The following GRK1 variants were observed in gnomAD, a reference collection of about 807,000 sequenced individuals.
The protein encoded by GRK1 is G protein-coupled receptor kinase 1, also known as rhodopsin kinase GRK1.
Under a neutral mutation model 41.7 loss-of-function variants are expected in GRK1, and 28 were observed. The ratio of observed to expected loss-of-function variants is 0.67; its 90% CI spans 0.50 to 0.92. The LOEUF (loss-of-function observed/expected upper bound fraction) is 0.92, where lower values mean the gene tolerates loss of function less well. Ranked by LOEUF, GRK1 falls within the 40% of genes least tolerant of loss-of-function variation. The pLI is 0.00. For synonymous variants in GRK1, 327 were observed against 286.7 expected (o/e 1.14, Z -1.42); for missense variants, 703 against 671.2 (o/e 1.05, Z -0.52).
chr13:113,670,376 G>T (rs569900343), intron 2 of GRK1, among the ~76,000 whole-genome samples: 53 of 152,334 alleles, frequency 3.5e-4, no homozygotes, highest in African/African-American at 1.1e-3. Context: ...TAGCCACTGC[G>T]TGCTTCTGTT....
intron 6 of GRK1, among the ~76,000 whole-genome samples, chr13:113,734,068 G>T (rs2049983755): frequency 6.6e-6 from 1 of 152,178 alleles, no homozygotes; most frequent in South Asian, 2.1e-4. Context: ...GTGCATGTGT[G>T]TGCGTGTATG....
chr13:113,665,152 C>T (rs568175688), upstream of GRK1, among the ~76,000 whole-genome samples: 7 of 152,312 alleles, frequency 4.6e-5, no homozygotes, highest in South Asian at 6.2e-4. Flanking sequence ...CTCTATGCTC[C>T]GGCATTCTTC....
chr13:113,737,400 G>A lies in GRK1; in HGVS notation c.*2037G>A, dbSNP rs1473740426. On this transcript the variant is annotated 3_prime_UTR_variant, in exon 7 of 7. Transcript: ENST00000335678. Reference sequence around the variant, plus strand: ...ATCCCACGTCGGCCACACCCTGGGTGAGGAGCACGTCTTCCCATAGATCCC... The same window carrying A: ...ATCCCACGTCGGCCACACCCTGGGTAAGGAGCACGTCTTCCCATAGATCCC... 7.6e-6 allele frequency: 1 copy of A among 131,900 alleles called. No homozygotes were observed. 8.2% of individuals were successfully genotyped at this position (131,900 alleles called of 1,614,324 possible).
Position 113,671,369 on chromosome 13 carries a change from A to AG in GRK1, c.828-124dup, listed in dbSNP as rs2049855561. 2 of 684,264 alleles carry AG rather than the reference A, an allele frequency of 2.9e-6. No individual in the cohort carries two copies. Among genetic ancestry groups the AG allele is most frequent in the Non-Finnish European group, 2.7e-6 (1 of 372,194 alleles). The allele number at this position is 684,264 out of a possible 1,614,324, so 42.4% of individuals were successfully genotyped here. A position where few individuals can be genotyped will look rare whatever the true frequency, so the allele number is the denominator to read the frequency against. On this transcript the variant is annotated intron_variant, in intron 2 of 6. Coordinates refer to ENST00000335678, the MANE Select transcript of GRK1 (RefSeq NM_002929.3). The surrounding 1 kb of genome is among the most constrained non-coding windows in gnomAD (Gnocchi z 4.1). Reference sequence around the variant, plus strand: ...CTTCGGGTGTCCTCTGCAGGGACGTAGGGGGGCCAGGCCTCAAAACGACCA... The same window carrying AG: ...CTTCGGGTGTCCTCTGCAGGGACGTAGGGGGGGCCAGGCCTCAAAACGACCA...
chr13:113,661,666 A>G, the GRK1 span, among the ~76,000 whole-genome samples: 20,818 of 152,186 alleles, frequency 0.14, 1,555 homozygotes, highest in Middle Eastern at 0.23. Context: ...AGCTATCACT[A>G]CAGACCCTGC....
chr13:113,669,943 C>T (rs2049845794), intron 2 of GRK1, 129 bp downstream of exon 2: 3 of 1,097,660 alleles, frequency 2.7e-6, no homozygotes, highest in Non-Finnish European at 3.8e-6. Flanking sequence ...AAGCCTTGCA[C>T]CCATCACAAT....
chr13:113,651,851 AGGGCCCTTGGTCTGGTTT>A, the GRK1 span: 1 of 1,159,412 alleles, frequency 8.6e-7, no homozygotes, highest in South Asian at 1.7e-5. Context: ...AGGACTGAGA[AGGGCCCTTGGTCTGGTTT>A]GCGGCTTCCC....
At chr13:113,668,689 A>G (rs2049836467) in intron 1 of GRK1, among the ~76,000 whole-genome samples, 1 of 152,228 alleles carries the variant, frequency 6.6e-6, no homozygotes. Context: ...GGGCAGGATC[A>G]GCAGAAGCTG....
At chr13:113,733,618 T>C (rs1183541701) in intron 6 of GRK1, among the ~76,000 whole-genome samples, 1 of 151,206 alleles carries the variant, frequency 6.6e-6, no homozygotes, top group African/African-American at 2.4e-5. Context: ...TGTGTATGTG[T>C]GTGCATACGT....
intron 6 of GRK1, among the ~76,000 whole-genome samples, chr13:113,733,878 CATACGTGTGT>C (rs2049972182): frequency 1.3e-5 from 1 of 78,092 alleles, no homozygotes; most frequent in African/African-American, 8.8e-5. Flanking sequence ...TGCGTGTGTG[CATACGTGTGT>C]GCGTGTGTGT....
In GRK1 at chr13:113,733,977, C is replaced by CAT. The variant is rs1346452611; in HGVS notation, c.1396+892_1396+893insAT. On this transcript the variant is annotated intron_variant, in intron 6 of 6. Transcript: ENST00000335678. The stretch of plus-strand genomic sequence containing the variant: ...GTGCATACGTGTGTGTGCGTGTGTG[C>CAT]GCATGTGTGTGCATACATGTGTGTG... 8.4e-5 allele frequency among the ~76,000 whole-genome samples: 9 copies of CAT among 107,154 alleles called. 1 individual carries two copies. The highest frequency in any genetic ancestry group is 3.3e-4 in the African/African-American group (8 of 24,446). 70.3% of individuals were successfully genotyped at this position (107,154 alleles called of 152,430 possible).
At chr13:113,649,564 G>A in the GRK1 span, 2 of 1,463,016 alleles carry the variant, frequency 1.4e-6, no homozygotes, top group Non-Finnish European at 1.8e-6. This position sits in a 1 kb window ranked among gnomAD's most constrained non-coding sequence, Gnocchi z 4.7. Flanking sequence ...AAGGACAGGT[G>A]TTTCAAAAAT....
At chr13:113,667,145 C>A (rs1464977850), upstream of GRK1, 1 of 505,656 alleles carries the variant, frequency 2.0e-6, no homozygotes. The surrounding 1 kb of genome is among the most constrained non-coding windows in gnomAD (Gnocchi z 7.5). Context: ...TCTTGCCACT[C>A]CTAAGCGTCC....
chr13:113,670,716 C>G (rs1160749497), intron 2 of GRK1, among the ~76,000 whole-genome samples: 1 of 141,068 alleles, frequency 7.1e-6, no homozygotes, highest in South Asian at 2.5e-4. Context: ...ACAGGGGTGC[C>G]CAGGCGGAGG....
chr13:113,734,070 G>A (rs573903571), intron 6 of GRK1, among the ~76,000 whole-genome samples: 1 of 152,152 alleles, frequency 6.6e-6, no homozygotes, highest in Non-Finnish European at 1.5e-5. Flanking sequence ...GCATGTGTGT[G>A]CGTGTATGTG....
chr13:113,668,102 G>A lies in GRK1; in HGVS notation c.699+17G>A, dbSNP rs757266443. ...GGCTACCAGGTGAGCAGCGCGACCC[G>A]GCCAGCAGGGATGGGGTGGCAGGGT... On this transcript the variant is annotated intron_variant, in intron 1 of 6. Transcript: ENST00000335678. 1.5e-5 allele frequency: 24 copies of A among 1,586,302 alleles called. No homozygotes were observed. The highest frequency in any genetic ancestry group is 7.2e-5 in the Admixed American group (4 of 55,588).
rs2050014917 is a variant in GRK1 at position 113,737,730 on chromosome 13, C to G, written c.*2367C>G. On this transcript the variant is annotated 3_prime_UTR_variant, in exon 7 of 7. Coordinates refer to ENST00000335678, the MANE Select transcript of GRK1 (RefSeq NM_002929.3). ...GACTGCAAAATAAACCTCCCGGCCT[C>G]CTCCTGTCCTGGCTCTGAGCGTCTG... The G allele has an allele frequency of 6.6e-6, 1 of 152,642 alleles. No homozygotes were observed. The highest frequency in any genetic ancestry group is 1.5e-5 in the Non-Finnish European group (1 of 68,304). The allele number at this position is 152,642 out of a possible 1,614,324, so 9.5% of individuals were successfully genotyped here.
the GRK1 span, chr13:113,649,324 T>A: frequency 6.5e-7 from 1 of 1,547,050 alleles, no homozygotes; most frequent in African/African-American, 1.4e-5. This position sits in a 1 kb window ranked among gnomAD's most constrained non-coding sequence, Gnocchi z 4.7. Context: ...ACCAGGAGGG[T>A]GTCCTTGAGC....
the GRK1 span, chr13:113,658,317 C>A: frequency 1.6e-6 from 1 of 639,720 alleles, no homozygotes; most frequent in Non-Finnish European, 2.6e-6. Flanking sequence ...ATCGCCTCAC[C>A]AAACACCAGG....
Sources: allele counts gnomAD v4.1 joint callset (sites outside exome capture counted in the v4.1 genomes callset), GRCh38; gene constraint gnomAD v4.1.1; non-coding constraint Gnocchi (gnomAD v3.1); transcripts MANE v1.5; gene names NCBI Gene and HGNC (gene_info 2026-07-23, HGNC 2026-07-21).